Variants in SPECC1L observed in about 807,000 individuals in gnomAD.
SPECC1L encodes the protein cytospin-A.
In SPECC1L, 40 loss-of-function variants were observed where a neutral mutation model predicts 116.8. The observed-to-expected ratio is 0.34, with a 90% CI of 0.27 to 0.45. The LOEUF (loss-of-function observed/expected upper bound fraction) is 0.45, where lower values mean the gene tolerates loss of function less well. Ranked by LOEUF, SPECC1L falls within the 20% of genes least tolerant of loss-of-function variation. The pLI is 1.00. For missense variants in SPECC1L, 1,110 were observed against 1,373.6 expected, an observed-to-expected ratio of 0.81 and a Z score of 3.03; for synonymous variants, 504 against 500.6, an observed-to-expected ratio of 1.01 and a Z score of -0.09.
chr22:24,350,062 T>C (rs1320932436), intron 11 of SPECC1L, among the ~76,000 whole-genome samples: 3 of 152,166 alleles, frequency 2.0e-5, no homozygotes, highest in Non-Finnish European at 4.4e-5. Context: ...TGGGCTTCCC[T>C]GCTGTCCCTG....
intron 2 of SPECC1L, among the ~76,000 whole-genome samples, chr22:24,277,741 T>C (rs1008693326): frequency 1.4e-4 from 22 of 152,260 alleles, no homozygotes; most frequent in African/African-American, 5.1e-4. Context: ...TATACTTTAT[T>C]TGTCCATCAG....
intron 15 of SPECC1L, chr22:24,412,265 C>A: frequency 5.4e-6 from 2 of 368,888 alleles, no homozygotes; most frequent in Non-Finnish European, 1.0e-5. Flanking sequence ...TCCCCTGCTT[C>A]CCCCATGTCA....
intron 14 of SPECC1L, among the ~76,000 whole-genome samples, chr22:24,374,498 C>A (rs1287343719): frequency 6.6e-6 from 1 of 151,634 alleles, no homozygotes; most frequent in Non-Finnish European, 1.5e-5. Context: ...TGGAAACCAT[C>A]ATTCTCAGCA....
At chr22:24,284,625 C>G (rs544233806) in intron 2 of SPECC1L, among the ~76,000 whole-genome samples, 16 of 152,056 alleles carry the variant, frequency 1.1e-4, no homozygotes, top group African/African-American at 3.4e-4. Flanking sequence ...TTAGTAGAGA[C>G]GGGATTTCAC....
In SPECC1L at chr22:24,321,411, G is replaced by T. The variant is rs748723587; in HGVS notation, c.431G>T (p.Gly144Val). 5.0e-6 allele frequency: 8 copies of T among 1,614,248 alleles called. No individual in the cohort carries two copies. In the South Asian group the frequency reaches 7.7e-5, roughly 16 times the overall value. ...QSKKLPSAGQGANDMALAKRS... is the reference protein window; with the variant it reads ...QSKKLPSAGQVANDMALAKRS... ...AAAAAACTACCTTCTGCAGGTCAGG[G>T]AGCTAATGACATGGCATTGGCCAAA... Residue 144 changes from glycine to valine, a missense_variant, in exon 5 of 17, where the codon GGA (glycine) becomes GTA (valine). Gly to Val is a moderately radical substitution (Grantham distance 109). This residue lies in a region of SPECC1L where 437 missense variants were observed against 482.6 expected (regional missense o/e 0.91). Transcript: ENST00000314328.
At chr22:24,355,826 G>GT (rs149965566) in intron 11 of SPECC1L, among the ~76,000 whole-genome samples, 7,668 of 143,584 alleles carry the variant, frequency 0.053, 304 homozygotes, top group South Asian at 0.14. Context: ...CCCCCGTTCT[G>GT]TTTTTTTTTT....
At chr22:24,275,552 CTT>C (rs78661499) in intron 1 of SPECC1L, among the ~76,000 whole-genome samples, 16 of 133,164 alleles carry the variant, frequency 1.2e-4, no homozygotes, top group East Asian at 2.2e-4. Flanking sequence ...CACCTTTCAC[CTT>C]TTTTTTTTTT....
At chr22:24,405,466 C>A (rs745386331) in intron 14 of SPECC1L, among the ~76,000 whole-genome samples, 2 of 151,970 alleles carry the variant, frequency 1.3e-5, no homozygotes, top group African/African-American at 2.4e-5. Context: ...GATTCTGTTG[C>A]GTGTTGGTGT....
intron 5 of SPECC1L, 160 bp downstream of exon 5, chr22:24,323,078 T>C: frequency 1.0e-6 from 1 of 984,114 alleles, no homozygotes; most frequent in Non-Finnish European, 1.2e-6. Context: ...TTTATTGGAA[T>C]AGTGTGAAAA....
At chr22:24,412,836 G>A (rs2042726139) in intron 16 of SPECC1L, 129 bp downstream of exon 16, 2 of 956,574 alleles carry the variant, frequency 2.1e-6, no homozygotes, top group Non-Finnish European at 3.3e-6. Flanking sequence ...GCTATGGGGT[G>A]CTCTGGGGCC....
At chr22:24,409,504 T>C (rs1156371027) in intron 14 of SPECC1L, among the ~76,000 whole-genome samples, 8 of 152,154 alleles carry the variant, frequency 5.3e-5, no homozygotes, top group Non-Finnish European at 8.8e-5. Flanking sequence ...TAAAATACTC[T>C]GGGCCAGGTA....
chr22:24,344,561 G>A (rs376280094), intron 10 of SPECC1L, among the ~76,000 whole-genome samples: 2 of 149,014 alleles, frequency 1.3e-5, no homozygotes, highest in African/African-American at 5.0e-5. Flanking sequence ...GCATTTTGCT[G>A]GAGCTCTTAC....
intron 3 of SPECC1L, among the ~76,000 whole-genome samples, chr22:24,313,008 C>G (rs2040491656): frequency 6.6e-6 from 1 of 152,196 alleles, no homozygotes; most frequent in Non-Finnish European, 1.5e-5. Flanking sequence ...ATAGGACTTT[C>G]CCAAGATATC....
intron 4 of SPECC1L, among the ~76,000 whole-genome samples, chr22:24,313,899 TG>T (rs1408775042): frequency 1.3e-5 from 2 of 150,402 alleles, no homozygotes; most frequent in African/African-American, 4.9e-5. Flanking sequence ...CCACCATGCC[TG>T]GCTAATTTTT....
At chr22:24,386,383 A>G (rs1181961993) in intron 14 of SPECC1L, among the ~76,000 whole-genome samples, 1 of 152,080 alleles carries the variant, frequency 6.6e-6, no homozygotes, top group South Asian at 2.1e-4. Flanking sequence ...CCTGGGCAAC[A>G]TAGTGAGACC....
intron 3 of SPECC1L, among the ~76,000 whole-genome samples, chr22:24,303,502 T>C (rs563728122): frequency 6.6e-6 from 1 of 152,318 alleles, no homozygotes; most frequent in African/African-American, 2.4e-5. Flanking sequence ...AACTGGTTAT[T>C]CAGTTGCTGG....
At chr22:24,303,233 A>T (rs1345156416) in intron 3 of SPECC1L, among the ~76,000 whole-genome samples, 1 of 152,166 alleles carries the variant, frequency 6.6e-6, no homozygotes, top group Non-Finnish European at 1.5e-5. Flanking sequence ...GTGTAGAAAG[A>T]TCTAACAGGA....
intron 15 of SPECC1L, 191 bp from the exon 16 acceptor site, chr22:24,412,457 G>A: frequency 1.5e-6 from 1 of 661,710 alleles, no homozygotes; most frequent in South Asian, 1.7e-5. Flanking sequence ...GTCAGGAGGG[G>A]AGGGTGGCCG....
intron 14 of SPECC1L, among the ~76,000 whole-genome samples, chr22:24,382,450 A>T (rs1880183646): frequency 1.3e-5 from 2 of 152,116 alleles, no homozygotes; most frequent in Admixed American, 6.6e-5. Context: ...CCCGCCTGTA[A>T]TCCCAGCACT....
Sources: allele counts gnomAD v4.1 joint callset (sites outside exome capture counted in the v4.1 genomes callset), GRCh38; gene constraint gnomAD v4.1.1; regional missense constraint gnomAD v4.1.1; transcripts MANE v1.5; gene names NCBI Gene and HGNC (gene_info 2026-07-23, HGNC 2026-07-21).